ANO4: variants seen among roughly 807,000 people sequenced by gnomAD.
The protein encoded by ANO4 is anoctamin 4, also known as anoctamin-4.
In ANO4, 69 loss-of-function variants were observed where a neutral mutation model predicts 141.9. The ratio of observed to expected loss-of-function variants is 0.49; its 90% CI spans 0.40 to 0.59. The LOEUF is 0.59. Ranked by LOEUF, ANO4 falls within the 20% of genes least tolerant of loss-of-function variation. The pLI, the probability that ANO4 is intolerant of heterozygous loss-of-function variation, is 0.00. For missense variants in ANO4, 894 were observed against 1,162.2 expected (o/e 0.77, Z 3.36); for synonymous variants, 350 against 394.3 (o/e 0.89, Z 1.33).
At chr12:101,055,878 T>C (rs1253034954) in intron 14 of ANO4, among the ~76,000 whole-genome samples, 1 of 152,166 alleles carries the variant, frequency 6.6e-6, no homozygotes, top group South Asian at 2.1e-4. Flanking sequence ...TTTCTTTCCA[T>C]GTAGATATCC....
At chr12:100,995,896 C>T (rs61944891) in intron 8 of ANO4, among the ~76,000 whole-genome samples, 18,888 of 152,190 alleles carry the variant, frequency 0.12, 1,345 homozygotes, top group Non-Finnish European at 0.15. Flanking sequence ...GCATTGTTAC[C>T]GCTGGGGGAC....
rs1053719019 is a variant in ANO4, at chr12:100,919,756, C to G, written c.56-2470C>G. ...TGTATGTATCTATCTATCTATCTATCTATCTATCTATCTATCTATCTATCT... is the reference window on the plus strand; with the variant it reads ...TGTATGTATCTATCTATCTATCTATGTATCTATCTATCTATCTATCTATCT... On this transcript the variant is annotated intron_variant, in intron 2 of 27. Coordinates refer to ENST00000392977, the MANE Select transcript of ANO4 (RefSeq NM_001286615.2). 6.1e-3 allele frequency among the ~76,000 whole-genome samples: 915 copies of G among 150,652 alleles called. 11 individuals are homozygous for G. Among genetic ancestry groups the G allele is most frequent in the African/African-American group, 0.021 (877 of 40,970 alleles).
At chr12:100,869,125 C>T (rs1452352089) in intron 1 of ANO4, among the ~76,000 whole-genome samples, 2 of 152,176 alleles carry the variant, frequency 1.3e-5, no homozygotes, top group African/African-American at 4.8e-5. Context: ...ACACTGAATC[C>T]TAAATCCGGG....
chr12:100,981,277 C>T (rs2044448868), intron 7 of ANO4, among the ~76,000 whole-genome samples: 2 of 152,186 alleles, frequency 1.3e-5, no homozygotes, highest in South Asian at 4.1e-4. Context: ...CATTAGCTTT[C>T]TAAGATCTCT....
intron 7 of ANO4, among the ~76,000 whole-genome samples, chr12:100,981,485 A>T (rs983943031): frequency 2.0e-5 from 3 of 152,120 alleles, no homozygotes; most frequent in African/African-American, 7.2e-5. Context: ...GGAGGGAGGA[A>T]GGAAGGGAAA....
chr12:100,849,078 A>C (rs923956286), intron 1 of ANO4, among the ~76,000 whole-genome samples: 1 of 152,226 alleles, frequency 6.6e-6, no homozygotes, highest in East Asian at 1.9e-4. Context: ...TTAACAAATC[A>C]TAGTTAAACA....
intron 3 of ANO4, among the ~76,000 whole-genome samples, chr12:100,761,596 C>T (rs1463667627): frequency 6.6e-6 from 1 of 152,088 alleles, no homozygotes. Flanking sequence ...TTTTATTGGC[C>T]GTGTAGGTAC....
At chr12:100,855,840 A>G (rs997507841) in intron 1 of ANO4, among the ~76,000 whole-genome samples, 38 of 152,156 alleles carry the variant, frequency 2.5e-4, no homozygotes, top group African/African-American at 8.4e-4. Context: ...ATAGTGACAA[A>G]TAGGACCTGC....
chr12:100,880,482 C>G (rs772387353), intron 1 of ANO4, among the ~76,000 whole-genome samples: 15 of 152,216 alleles, frequency 9.9e-5, no homozygotes, highest in Non-Finnish European at 1.5e-4. Flanking sequence ...CTCAGAGGGT[C>G]TGGCTGCAGA....
chr12:100,875,265 AGT>A (rs2039242212), intron 1 of ANO4, among the ~76,000 whole-genome samples: 3 of 152,114 alleles, frequency 2.0e-5, no homozygotes, highest in Admixed American at 2.0e-4. Flanking sequence ...TGTGATAGTG[AGT>A]GAGTTCTCGT....
At chr12:100,782,562 T>C (rs1366692988) in intron 3 of ANO4, among the ~76,000 whole-genome samples, 1 of 152,196 alleles carries the variant, frequency 6.6e-6, no homozygotes, top group East Asian at 1.9e-4. Flanking sequence ...ATGAAGAGCA[T>C]AGGTTTTAGA....
chr12:101,104,565 G>A (rs957159993), intron 22 of ANO4, among the ~76,000 whole-genome samples: 15 of 140,408 alleles, frequency 1.1e-4, no homozygotes, highest in Non-Finnish European at 1.5e-4. Flanking sequence ...TATTCTCTAC[G>A]TTATTTCAGG....
At chr12:100,959,741 G>A (rs537179825) in intron 5 of ANO4, among the ~76,000 whole-genome samples, 3 of 152,104 alleles carry the variant, frequency 2.0e-5, no homozygotes, top group Non-Finnish European at 4.4e-5. Context: ...TTCTTCATTG[G>A]CTCTTTCTCA....
At chr12:101,006,476 T>C (rs2045876501) in intron 8 of ANO4, among the ~76,000 whole-genome samples, 1 of 152,242 alleles carries the variant, frequency 6.6e-6, no homozygotes, top group Admixed American at 6.5e-5. Flanking sequence ...AAGTAGGTAC[T>C]TCCTCAAAAC....
chr12:101,012,182 T>G (rs763328688), intron 8 of ANO4, among the ~76,000 whole-genome samples: 39 of 152,120 alleles, frequency 2.6e-4, no homozygotes, highest in African/African-American at 9.2e-4. Context: ...ACTTATTTAC[T>G]TGGGGCCTAG....
intron 2 of ANO4, among the ~76,000 whole-genome samples, chr12:100,919,728 G>C (rs1225687993): frequency 4.1e-4 from 48 of 118,410 alleles, no homozygotes; most frequent in African/African-American, 1.4e-3. Context: ...ATGTATGTGT[G>C]TATGTATGTA....
At chr12:100,883,995 A>AT (rs1251905775) in intron 1 of ANO4, among the ~76,000 whole-genome samples, 5 of 152,202 alleles carry the variant, frequency 3.3e-5, no homozygotes, top group African/African-American at 1.2e-4. Context: ...CAGAAATGTA[A>AT]TTAAGTCAGT....
At chr12:100,818,300 C>A (rs557149280) in intron 1 of ANO4, among the ~76,000 whole-genome samples, 1 of 151,884 alleles carries the variant, frequency 6.6e-6, no homozygotes, top group South Asian at 2.1e-4. Context: ...AAAGATTAGA[C>A]AACTTAAGCT....
intron 1 of ANO4, among the ~76,000 whole-genome samples, chr12:100,800,587 T>G (rs1005013654): frequency 3.3e-5 from 5 of 152,280 alleles, no homozygotes; most frequent in African/African-American, 9.6e-5. Flanking sequence ...CTTCTGATTT[T>G]GTGACCTGAC....
Sources: allele counts gnomAD v4.1 joint callset (sites outside exome capture counted in the v4.1 genomes callset), GRCh38; gene constraint gnomAD v4.1.1; transcripts MANE v1.5; gene names NCBI Gene and HGNC (gene_info 2026-07-23, HGNC 2026-07-21).